Variants in B3GAT2 observed in about 807,000 individuals in gnomAD.
B3GAT2 encodes beta-1,3-glucuronyltransferase 2, also known as galactosylgalactosylxylosylprotein 3-beta-glucuronosyltransferase 2.
Under a neutral mutation model 27.8 loss-of-function variants are expected in B3GAT2, and 26 were observed. The ratio of observed to expected loss-of-function variants is 0.93; its 90% CI spans 0.68 to 1.30. The LOEUF (loss-of-function observed/expected upper bound fraction) is 1.30, where lower values mean the gene tolerates loss of function less well. B3GAT2 is among the 50% of genes most tolerant of loss of function. The probability of loss-of-function intolerance (pLI) is 0.00; values close to 1 mark genes in which losing one functional copy is unlikely to be tolerated. For synonymous variants in B3GAT2, 218 were observed against 195.1 expected (o/e 1.12, Z -0.98); for missense variants, 458 against 459.0 (o/e 1.00, Z 0.02).
intron 1 of B3GAT2, among the ~76,000 whole-genome samples, chr6:70,953,555 T>C (rs933686597): frequency 6.6e-6 from 1 of 152,204 alleles, no homozygotes; most frequent in Non-Finnish European, 1.5e-5. Flanking sequence ...GTACTAGTCA[T>C]AAAATTACTG....
In B3GAT2 at chr6:70,956,131, C is replaced by G. The variant is rs755698058; in HGVS notation, c.299G>C (p.Arg100Pro). 2 of 1,603,268 alleles carry G rather than the reference C, an allele frequency of 1.2e-6. No homozygotes were observed. The highest frequency in any genetic ancestry group is 1.7e-6 in the Non-Finnish European group (2 of 1,175,146). ...SRPVQKAELT[R>P]LANTFRQVAQ... is the part of the protein sequence containing the mutation. The stretch of plus-strand genomic sequence containing the variant: ...CACCTGGCGGAACGTGTTGGCCAGG[C>G]GGGTCAGCTCCGCTTTCTGCACCGG... Residue 100 changes from arginine (R) to proline (P), a missense_variant, in exon 1 of 4, where the codon CGC (arginine) becomes CCC (proline). Transcript: ENST00000230053.
intron 2 of B3GAT2, among the ~76,000 whole-genome samples, chr6:70,863,405 C>T (rs1443787146): frequency 6.6e-6 from 1 of 152,174 alleles, no homozygotes; most frequent in Non-Finnish European, 1.5e-5. Context: ...ACAAACATAA[C>T]GTGGTACAGC....
intron 2 of B3GAT2, among the ~76,000 whole-genome samples, chr6:70,873,363 G>A: frequency 7.1e-6 from 1 of 140,560 alleles, no homozygotes; most frequent in Non-Finnish European, 1.6e-5. Context: ...TTTCCTTCCA[G>A]TACTTTGAAT....
At chr6:70,949,971 A>G (rs1188593017) in intron 1 of B3GAT2, among the ~76,000 whole-genome samples, 21 of 150,174 alleles carry the variant, frequency 1.4e-4, no homozygotes, top group Middle Eastern at 6.9e-3. Flanking sequence ...ACCAAACACC[A>G]CATGTTCTCA....
intron 1 of B3GAT2, among the ~76,000 whole-genome samples, chr6:70,902,617 G>T (rs933175315): frequency 8.0e-6 from 1 of 125,258 alleles, no homozygotes; most frequent in Non-Finnish European, 1.6e-5. Flanking sequence ...AAGAAAATGG[G>T]ATATATATAT....
At chr6:70,952,262 C>A (rs1765589762) in intron 1 of B3GAT2, among the ~76,000 whole-genome samples, 1 of 152,136 alleles carries the variant, frequency 6.6e-6, no homozygotes, top group Non-Finnish European at 1.5e-5. Flanking sequence ...CTTTGATAAC[C>A]CCTTAAGTGT....
chr6:70,874,961 T>C (rs765962017), intron 2 of B3GAT2, among the ~76,000 whole-genome samples: 42 of 152,008 alleles, frequency 2.8e-4, no homozygotes, highest in Non-Finnish European at 4.7e-4. Context: ...ATAGGGCAAA[T>C]TGATATACTA....
intron 1 of B3GAT2, among the ~76,000 whole-genome samples, chr6:70,907,066 T>A (rs144670782): frequency 1.3e-3 from 203 of 152,314 alleles, no homozygotes; most frequent in African/African-American, 4.7e-3. Flanking sequence ...GCAGATACTG[T>A]TCGTTGCCTA....
At chr6:70,899,600 G>A (rs529889657) in intron 1 of B3GAT2, among the ~76,000 whole-genome samples, 33 of 152,170 alleles carry the variant, frequency 2.2e-4, no homozygotes, top group Non-Finnish European at 4.1e-4. Context: ...AACAGATCCA[G>A]ATGCCCTCAC....
rs189676424 is a variant in B3GAT2 at position 70,941,823 on chromosome 6, C to G, written c.591+14016G>C. Among the ~76,000 whole-genome samples, 12 of 152,244 alleles carry G rather than the reference C, an allele frequency of 7.9e-5. No homozygotes were observed. In the East Asian group the frequency reaches 2.3e-3, roughly 29 times the overall value. On this transcript the variant is annotated intron_variant, in intron 1 of 3. Coordinates refer to ENST00000230053, the MANE Select transcript of B3GAT2 (RefSeq NM_080742.3). Reference sequence around the variant, plus strand: ...ATTCAAAAAATATTTAATAAGCATTCACTGCATGCTAGGCACTGCTCTGGA... The same window carrying G: ...ATTCAAAAAATATTTAATAAGCATTGACTGCATGCTAGGCACTGCTCTGGA...
intron 1 of B3GAT2, among the ~76,000 whole-genome samples, chr6:70,918,861 C>T (rs1582379938): frequency 1.3e-5 from 2 of 152,242 alleles, no homozygotes; most frequent in African/African-American, 4.8e-5. Context: ...GTGAATCTGA[C>T]AATTATGTGT....
chr6:70,899,024 AT>A (rs1156567261), intron 1 of B3GAT2, among the ~76,000 whole-genome samples: 1 of 152,116 alleles, frequency 6.6e-6, no homozygotes, highest in African/African-American at 2.4e-5. Flanking sequence ...GAAATAAAAA[AT>A]AAATGTGGGC....
intron 2 of B3GAT2, among the ~76,000 whole-genome samples, chr6:70,868,404 A>G (rs1233838100): frequency 6.6e-6 from 1 of 152,198 alleles, no homozygotes; most frequent in Non-Finnish European, 1.5e-5. Context: ...AGTTAACAGT[A>G]TCAATAGTGC....
At chr6:70,889,975 T>A (rs1772259993) in intron 2 of B3GAT2, among the ~76,000 whole-genome samples, 1 of 151,634 alleles carries the variant, frequency 6.6e-6, no homozygotes. Flanking sequence ...AGAGACGGGG[T>A]TTCACCATGT....
At chr6:70,895,870 G>A (rs1772375524) in intron 1 of B3GAT2, among the ~76,000 whole-genome samples, 1 of 150,366 alleles carries the variant, frequency 6.7e-6, no homozygotes, top group South Asian at 2.1e-4. Context: ...ATAAGTGACT[G>A]CAGAAAAGTG....
At chr6:70,879,507 T>G (rs1006675543) in intron 2 of B3GAT2, among the ~76,000 whole-genome samples, 7 of 152,088 alleles carry the variant, frequency 4.6e-5, no homozygotes, top group African/African-American at 1.7e-4. Context: ...ATTCATTCAT[T>G]CAACAAAAAC....
chr6:70,891,448 T>C (rs1230039562), intron 2 of B3GAT2, among the ~76,000 whole-genome samples: 2 of 152,184 alleles, frequency 1.3e-5, no homozygotes, highest in Non-Finnish European at 2.9e-5. Flanking sequence ...AATTTCAGTA[T>C]CAGGCAAGTT....
Position 70,860,464 on chromosome 6 carries a change from A to T in B3GAT2, c.*1199T>A. 1 of 1,131,866 alleles carries T rather than the reference A, an allele frequency of 8.8e-7. No homozygotes were observed. Among genetic ancestry groups the T allele is most frequent in the African/African-American group, 1.6e-5 (1 of 63,690 alleles). 70.1% of individuals were successfully genotyped at this position (1,131,866 alleles called of 1,614,324 possible). On this transcript the variant is annotated 3_prime_UTR_variant, in exon 4 of 4. Transcript: ENST00000230053. ...ATTTGTTCATATTAAGAATGATCTG[A>T]TTGACCGTGTTGGTCTGTACTGATT...
intron 1 of B3GAT2, among the ~76,000 whole-genome samples, chr6:70,949,878 A>G (rs1237481808): frequency 6.6e-6 from 1 of 152,116 alleles, no homozygotes; most frequent in Non-Finnish European, 1.5e-5. Flanking sequence ...GCAGCCATAA[A>G]AAATGATGAG....
Sources: allele counts gnomAD v4.1 joint callset (sites outside exome capture counted in the v4.1 genomes callset), GRCh38; gene constraint gnomAD v4.1.1; transcripts MANE v1.5; gene names NCBI Gene and HGNC (gene_info 2026-07-23, HGNC 2026-07-21).